Variants in CTNNA3 observed in about 807,000 individuals in gnomAD.
CTNNA3 encodes catenin alpha-3.
CTNNA3 carries 76 observed loss-of-function variants against 95.7 expected under a neutral mutation model. The ratio of observed to expected loss-of-function variants is 0.79; its 90% CI spans 0.66 to 0.96. CTNNA3 has a LOEUF of 0.96. Among genes scored for constraint, CTNNA3 ranks in the 40% least tolerant of loss-of-function variants. The probability of loss-of-function intolerance (pLI) is 0.00; values close to 1 mark genes in which losing one functional copy is unlikely to be tolerated. For missense variants in CTNNA3, 1,191 were observed against 1,089.8 expected, an observed-to-expected ratio of 1.09 and a Z score of -1.31; for synonymous variants, 431 against 374.4, an observed-to-expected ratio of 1.15 and a Z score of -1.74.
intron 7 of CTNNA3, among the ~76,000 whole-genome samples, chr10:66,961,273 C>T (rs992289966): frequency 6.6e-6 from 1 of 152,108 alleles, no homozygotes; most frequent in African/African-American, 2.4e-5. Context: ...CTCTCTTACT[C>T]ACTCCAAAAT....
chr10:67,685,126 G>C (rs1244060974), intron 1 of CTNNA3, among the ~76,000 whole-genome samples: 2 of 152,210 alleles, frequency 1.3e-5, no homozygotes, highest in Admixed American at 1.3e-4. Flanking sequence ...CAAACTGTCT[G>C]AGAAATCCTT....
At chr10:67,176,686 T>A (rs1862257377) in intron 7 of CTNNA3, among the ~76,000 whole-genome samples, 1 of 152,090 alleles carries the variant, frequency 6.6e-6, no homozygotes, top group Non-Finnish European at 1.5e-5. Flanking sequence ...GATGGGAGGA[T>A]TATCCTGGAT....
chr10:66,892,747 A>T (rs1184358462), intron 7 of CTNNA3, among the ~76,000 whole-genome samples: 1 of 152,104 alleles, frequency 6.6e-6, no homozygotes, highest in African/African-American at 2.4e-5. Context: ...CAAATAACTA[A>T]CGTTATGGAA....
At chr10:66,387,294 A>C (rs1030560377) in intron 11 of CTNNA3, among the ~76,000 whole-genome samples, 8 of 152,232 alleles carry the variant, frequency 5.3e-5, no homozygotes, top group African/African-American at 1.4e-4. Flanking sequence ...GGATATGAAC[A>C]GACACTTCTC....
At chr10:66,535,157 G>A (rs1361543448) in intron 10 of CTNNA3, among the ~76,000 whole-genome samples, 1 of 151,510 alleles carries the variant, frequency 6.6e-6, no homozygotes, top group Non-Finnish European at 1.5e-5. Flanking sequence ...ACTTCTTAAG[G>A]GGGAAAAAAA....
At chr10:67,221,442 A>C (rs1002118340) in intron 5 of CTNNA3, among the ~76,000 whole-genome samples, 3 of 152,224 alleles carry the variant, frequency 2.0e-5, no homozygotes, top group African/African-American at 7.2e-5. Context: ...CTAAGGTTTC[A>C]AGAGACTAAG....
chr10:67,235,311 C>T (rs1174562226), intron 5 of CTNNA3, among the ~76,000 whole-genome samples: 2 of 151,942 alleles, frequency 1.3e-5, no homozygotes, highest in Non-Finnish European at 2.9e-5. Flanking sequence ...GGTACCAAAA[C>T]AGAGATATAG....
chr10:66,928,675 T>A (rs1925577), intron 7 of CTNNA3, among the ~76,000 whole-genome samples: 2 of 151,998 alleles, frequency 1.3e-5, no homozygotes, highest in Non-Finnish European at 2.9e-5. Flanking sequence ...CCACAATCAA[T>A]GTGAAGCTTG....
intron 12 of CTNNA3, among the ~76,000 whole-genome samples, chr10:66,377,237 GTT>G (rs2092802403): frequency 2.0e-5 from 3 of 151,966 alleles, no homozygotes; most frequent in Non-Finnish European, 4.4e-5. Flanking sequence ...ATAAGATGCT[GTT>G]TATACATAAT....
intron 12 of CTNNA3, among the ~76,000 whole-genome samples, chr10:66,308,273 T>A (rs1342628978): frequency 6.6e-6 from 1 of 152,216 alleles, no homozygotes; most frequent in African/African-American, 2.4e-5. Context: ...TTGTTTGATA[T>A]AATCATATTT....
chr10:67,728,225 A>T (rs1334977739), intron 1 of CTNNA3, among the ~76,000 whole-genome samples: 1 of 148,572 alleles, frequency 6.7e-6, no homozygotes, highest in Non-Finnish European at 1.5e-5. Context: ...AGGCCAAGGC[A>T]GGAGGATCAC....
At chr10:66,581,656 C>T (rs1843193380) in intron 10 of CTNNA3, among the ~76,000 whole-genome samples, 1 of 151,218 alleles carries the variant, frequency 6.6e-6, no homozygotes, top group Admixed American at 6.6e-5. Context: ...AGTTTGAGTC[C>T]TATTCATTAT....
At chr10:67,040,235 C>T (rs1219740326) in intron 7 of CTNNA3, among the ~76,000 whole-genome samples, 2 of 152,058 alleles carry the variant, frequency 1.3e-5, no homozygotes, top group African/African-American at 4.8e-5. Flanking sequence ...TTGACATTTG[C>T]TCGGTCTACA....
At chr10:67,212,603 A>C (rs940185761) in intron 6 of CTNNA3, among the ~76,000 whole-genome samples, 3 of 151,854 alleles carry the variant, frequency 2.0e-5, no homozygotes, top group African/African-American at 7.2e-5. Context: ...TTTTACAGAA[A>C]CCCTTTATCA....
intron 12 of CTNNA3, among the ~76,000 whole-genome samples, chr10:66,371,308 C>A (rs2092752661): frequency 6.6e-6 from 1 of 152,200 alleles, no homozygotes; most frequent in South Asian, 2.1e-4. Context: ...ACATATACAG[C>A]AAAACAAACA....
intron 14 of CTNNA3, among the ~76,000 whole-genome samples, chr10:66,072,708 C>T (rs1166572956): frequency 2.6e-5 from 4 of 151,950 alleles, no homozygotes; most frequent in Admixed American, 1.3e-4. Flanking sequence ...TTTGCCTTCC[C>T]CTTACATCCA....
intron 7 of CTNNA3, among the ~76,000 whole-genome samples, chr10:66,980,259 T>A (rs1219592509): frequency 6.6e-6 from 1 of 152,206 alleles, no homozygotes; most frequent in Non-Finnish European, 1.5e-5. Flanking sequence ...ACCACTGTGT[T>A]CCTTGTCTCT....
intron 10 of CTNNA3, among the ~76,000 whole-genome samples, chr10:66,616,683 C>A (rs1315064574): frequency 1.3e-5 from 2 of 152,002 alleles, no homozygotes; most frequent in Non-Finnish European, 2.9e-5. Flanking sequence ...TCACTGAAAC[C>A]TACGTGAATT....
chr10:67,011,658 G>A (rs1852348337), intron 7 of CTNNA3, among the ~76,000 whole-genome samples: 1 of 152,114 alleles, frequency 6.6e-6, no homozygotes, highest in Non-Finnish European at 1.5e-5. Context: ...TAATGATGAT[G>A]ATAATGATGA....
Sources: gnomAD v4.1 joint callset for allele counts (sites outside exome capture counted in the v4.1 genomes callset) on GRCh38, gnomAD v4.1.1 for gene constraint, MANE v1.5 for transcripts, NCBI Gene and HGNC (gene_info 2026-07-23, HGNC 2026-07-21) for gene names.